The following ABLIM2 variants were observed in gnomAD, a reference collection of about 807,000 sequenced individuals.
ABLIM2 encodes actin binding LIM protein family member 2, also known as actin-binding LIM protein 2.
ABLIM2 carries 53 observed loss-of-function variants against 97.7 expected under a neutral mutation model. The observed-to-expected ratio is 0.54, with a 90% CI of 0.44 to 0.68. The LOEUF (loss-of-function observed/expected upper bound fraction) is 0.68, where lower values mean the gene tolerates loss of function less well. Among genes scored for constraint, ABLIM2 ranks in the 30% least tolerant of loss-of-function variants. ABLIM2 has a pLI of 0.00. For synonymous variants in ABLIM2, 361 were observed against 345.8 expected (o/e 1.04, Z -0.49); for missense variants, 835 against 867.2 (o/e 0.96, Z 0.47).
At position 8,097,276 on chromosome 4, in the gene ABLIM2, C is replaced by A. The variant is rs1832127017; in HGVS notation, c.161G>T (p.Gly54Val). The change falls in exon 3 of 21, where the codon GGC becomes GTC. Residue 54 changes from glycine to valine, a missense_variant. By Grantham distance (109) the Gly-to-Val change is moderately radical. Coordinates refer to ENST00000447017, the MANE Select transcript of ABLIM2 (RefSeq NM_001130083.2). The stretch of plus-strand genomic sequence containing the variant: ...GAAGCCGCCCTCGGCCAGGTCGCAG[C>A]CACATGCTGGGGGAGGACGGGCGAG... The part of the protein sequence containing the change: ...HIKCFVCKAC[G>V]CDLAEGGFFV... 6.4e-7 allele frequency: 1 copy of A among 1,560,778 alleles called. No homozygotes were observed.
intron 1 of ABLIM2, among the ~76,000 whole-genome samples, chr4:8,141,957 CA>C (rs994502479): frequency 6.6e-6 from 1 of 152,230 alleles, no homozygotes; most frequent in Non-Finnish European, 1.5e-5. Context: ...AGGAGCCCAC[CA>C]GAAAACCTAA....
At chr4:7,983,595 A>C (rs1434072722) in intron 18 of ABLIM2, 41 bp from the exon 19 acceptor site, 2 of 1,609,912 alleles carry the variant, frequency 1.2e-6, no homozygotes, top group Admixed American at 3.4e-5. Flanking sequence ...ATGGTTTAGA[A>C]AGTGCAAGAT....
rs1263295655 is a variant in ABLIM2 at position 7,998,709 on chromosome 4, C to T, written c.1619-5782G>A. On this transcript the variant is annotated intron_variant, in intron 16 of 20. Transcript: ENST00000447017. The surrounding 1 kb of genome is among the most constrained non-coding windows in gnomAD (Gnocchi z 6.4). ...GGAGTCTGCAGGTCTGGGCCACCTC[C>T]TGCCACTGCATGGGAGGCTGGGAGT... The T allele has an allele frequency of 2.6e-5, 13 of 497,628 alleles. No individual in the cohort carries two copies. Among genetic ancestry groups the T allele is most frequent in the Non-Finnish European group, 4.8e-5 (12 of 249,824 alleles). 30.8% of individuals were successfully genotyped at this position (497,628 alleles called of 1,614,324 possible).
chr4:8,023,094 A>C lies in ABLIM2; in HGVS notation c.1268-2791T>G, dbSNP rs959074434. Reference sequence around the variant, plus strand: ...CCTCCTCCCCCTCCTCTCCTCTTCCATTTTTAAAAATTTCAGTAAATGTTT... The same window carrying C: ...CCTCCTCCCCCTCCTCTCCTCTTCCCTTTTTAAAAATTTCAGTAAATGTTT... On this transcript the variant is annotated intron_variant, in intron 12 of 20. Coordinates refer to ENST00000447017, the MANE Select transcript of ABLIM2 (RefSeq NM_001130083.2). The surrounding 1 kb of genome is among the most constrained non-coding windows in gnomAD (Gnocchi z 5.7). 6.7e-6 allele frequency: 1 copy of C among 148,352 alleles called. No homozygotes were observed. Among genetic ancestry groups the C allele is most frequent in the Non-Finnish European group, 1.5e-5 (1 of 67,456 alleles). The allele number at this position is 148,352 out of a possible 1,614,324, so 9.2% of individuals were successfully genotyped here.
chr4:8,119,188 G>T (rs1205024627), intron 1 of ABLIM2, among the ~76,000 whole-genome samples: 1 of 152,130 alleles, frequency 6.6e-6, no homozygotes, highest in Non-Finnish European at 1.5e-5. Context: ...CTCAGGGTGG[G>T]GTGTGGGGCT....
intron 2 of ABLIM2, among the ~76,000 whole-genome samples, chr4:8,104,755 C>T (rs886537685): frequency 6.6e-6 from 1 of 152,200 alleles, no homozygotes; most frequent in Non-Finnish European, 1.5e-5. Context: ...CTGACCTCCT[C>T]CAGGGCCAGC....
intron 3 of ABLIM2, among the ~76,000 whole-genome samples, chr4:8,089,270 C>A (rs914140185): frequency 6.6e-6 from 1 of 152,198 alleles, no homozygotes; most frequent in African/African-American, 2.4e-5. Flanking sequence ...CACCTGCAGA[C>A]AGGGCCAGAA....
At chr4:8,146,677 C>A (rs1456226987) in intron 1 of ABLIM2, among the ~76,000 whole-genome samples, 2 of 152,218 alleles carry the variant, frequency 1.3e-5, no homozygotes, top group East Asian at 3.9e-4. Context: ...GTAGCTGGGA[C>A]TAGGCACATG....
rs1418296648 is a variant in ABLIM2, at chr4:8,124,196, C to T, written c.11-17559G>A. ...GTGCTTTCAGAAACAATATTCTCAG[C>T]ACCTCCACAGAGCCTAGCCAGCTCT... On this transcript the variant is annotated intron_variant, in intron 1 of 20. Transcript: ENST00000447017. The surrounding 1 kb of genome is among the most constrained non-coding windows in gnomAD (Gnocchi z 6.1). Among the ~76,000 whole-genome samples the T allele has an allele frequency of 6.6e-6, 1 of 152,192 alleles. No homozygotes were observed. The highest frequency in any genetic ancestry group is 2.4e-5 in the African/African-American group (1 of 41,438).
At chr4:8,131,364 C>T (rs549385262) in intron 1 of ABLIM2, among the ~76,000 whole-genome samples, 12 of 152,344 alleles carry the variant, frequency 7.9e-5, no homozygotes, top group Admixed American at 7.8e-4. Flanking sequence ...CACACTGCTG[C>T]GACCCACTAA....
At chr4:7,967,692 G>A (rs1724023632) in intron 20 of ABLIM2, among the ~76,000 whole-genome samples, 1 of 152,238 alleles carries the variant, frequency 6.6e-6, no homozygotes, top group Non-Finnish European at 1.5e-5. Flanking sequence ...TGTGGTCACC[G>A]TGGAAAGGCA....
rs1185940321 is a variant in ABLIM2 at position 8,082,074 on chromosome 4, G to A, written c.455-1272C>T. 6.6e-6 allele frequency among the ~76,000 whole-genome samples: 1 copy of A among 152,152 alleles called. No individual in the cohort carries two copies. The highest frequency in any genetic ancestry group is 6.5e-5 in the Admixed American group (1 of 15,282). Reference sequence around the variant, plus strand: ...GGGTGTGGTTGTGTGTTGGGGGCATGACAAGGGAAGGGCCTCGGACCCCGT... The same window carrying A: ...GGGTGTGGTTGTGTGTTGGGGGCATAACAAGGGAAGGGCCTCGGACCCCGT... On this transcript the variant is annotated intron_variant, in intron 4 of 20. Transcript: ENST00000447017. This position sits in a 1 kb window ranked among gnomAD's most constrained non-coding sequence, Gnocchi z 5.6.
In ABLIM2 at chr4:8,123,770, G is replaced by A. The variant is rs1238923080; in HGVS notation, c.11-17133C>T. Among the ~76,000 whole-genome samples, 1 of 152,126 alleles carries A rather than the reference G, an allele frequency of 6.6e-6. No individual in the cohort carries two copies. The highest frequency in any genetic ancestry group is 1.5e-5 in the Non-Finnish European group (1 of 68,024). Reference sequence around the variant, plus strand: ...GCAGGCAGGGGTGTGCCGGCATTGGGTCACACAGCCCAACTGGGGTGACAA... The same window carrying A: ...GCAGGCAGGGGTGTGCCGGCATTGGATCACACAGCCCAACTGGGGTGACAA... On this transcript the variant is annotated intron_variant, in intron 1 of 20. Coordinates refer to ENST00000447017, the MANE Select transcript of ABLIM2 (RefSeq NM_001130083.2). This position sits in a 1 kb window ranked among gnomAD's most constrained non-coding sequence, Gnocchi z 6.2.
At chr4:8,055,234 C>G (rs983673465) in intron 7 of ABLIM2, among the ~76,000 whole-genome samples, 4 of 152,218 alleles carry the variant, frequency 2.6e-5, no homozygotes, top group African/African-American at 9.6e-5. Context: ...TGAATGTCAA[C>G]TCTCTCTGCC....
rs540470930 is a variant in ABLIM2 at position 8,053,392 on chromosome 4, C to T, written c.822+796G>A. Reference sequence around the variant, plus strand: ...GTATAAAACCAAACTGTGCTCTGACCACCTTGCACACATATCACCAGGACC... The same window carrying T: ...GTATAAAACCAAACTGTGCTCTGACTACCTTGCACACATATCACCAGGACC... On this transcript the variant is annotated intron_variant, in intron 8 of 20. Transcript: ENST00000447017. Among the ~76,000 whole-genome samples, 3 of 152,320 alleles carry T rather than the reference C, an allele frequency of 2.0e-5. No homozygotes were observed. In the South Asian group the frequency reaches 6.2e-4, roughly 32 times the overall value.
In ABLIM2 at chr4:8,127,470, A is replaced by G; in HGVS notation, c.11-20833T>C. 7.8e-7 allele frequency: 1 copy of G among 1,283,154 alleles called. No homozygotes were observed. Among genetic ancestry groups the G allele is most frequent in the Non-Finnish European group, 1.0e-6 (1 of 983,526 alleles). The allele number at this position is 1,283,154 out of a possible 1,614,324, so 79.5% of individuals were successfully genotyped here. On this transcript the variant is annotated intron_variant, in intron 1 of 20. Coordinates refer to ENST00000447017, the MANE Select transcript of ABLIM2 (RefSeq NM_001130083.2). This position sits in a 1 kb window ranked among gnomAD's most constrained non-coding sequence, Gnocchi z 7.3. ...CTGATTCATGGAGCTCACAGCTCCCAGTCCCCTGAAGCTGACTCATGGAGC... is the reference window on the plus strand; with the variant it reads ...CTGATTCATGGAGCTCACAGCTCCCGGTCCCCTGAAGCTGACTCATGGAGC...
chr4:8,126,501 T>C (rs1392450246), intron 1 of ABLIM2, among the ~76,000 whole-genome samples: 1 of 148,250 alleles, frequency 6.7e-6, no homozygotes, highest in Non-Finnish European at 1.5e-5. Context: ...CCCCCAGATT[T>C]TGCCATCACC....
rs144833046 is a variant in ABLIM2, at chr4:8,130,785, A to G, written c.11-24148T>C. Among the ~76,000 whole-genome samples the G allele has an allele frequency of 8.5e-5, 13 of 152,238 alleles. No individual in the cohort carries two copies. In the East Asian group the frequency reaches 2.3e-3, roughly 27 times the overall value. On this transcript the variant is annotated intron_variant, in intron 1 of 20. Coordinates refer to ENST00000447017, the MANE Select transcript of ABLIM2 (RefSeq NM_001130083.2). This position sits in a 1 kb window ranked among gnomAD's most constrained non-coding sequence, Gnocchi z 4.2. Reference sequence around the variant, plus strand: ...GCAGTACAACAAGGACAGGAATACAAAATCGGTATCACTGGGCTGATGTCA... The same window carrying G: ...GCAGTACAACAAGGACAGGAATACAGAATCGGTATCACTGGGCTGATGTCA...
rs1324129873 is a variant in ABLIM2 at position 7,965,756 on chromosome 4, G to A, written c.*1234C>T. 1 of 152,276 alleles carries A rather than the reference G, an allele frequency of 6.6e-6. No homozygotes were observed. Among genetic ancestry groups the A allele is most frequent in the East Asian group, 1.9e-4 (1 of 5,188 alleles). The allele number at this position is 152,276 out of a possible 1,614,324, so 9.4% of individuals were successfully genotyped here. On this transcript the variant is annotated 3_prime_UTR_variant, in exon 21 of 21. Transcript: ENST00000447017. ...GCCTCCTGCTCCGGGATGCCCTGCTGGCTTCAAAGATGAGAAGAGCCACAT... is the reference window on the plus strand; with the variant it reads ...GCCTCCTGCTCCGGGATGCCCTGCTAGCTTCAAAGATGAGAAGAGCCACAT...
Sources: allele counts gnomAD v4.1 joint callset (sites outside exome capture counted in the v4.1 genomes callset), GRCh38; gene constraint gnomAD v4.1.1; non-coding constraint Gnocchi (gnomAD v3.1); transcripts MANE v1.5; gene names NCBI Gene and HGNC (gene_info 2026-07-23, HGNC 2026-07-21).